EXTL3: variants seen among roughly 807,000 people sequenced by gnomAD.
The protein encoded by EXTL3 is exostosin like glycosyltransferase 3.
EXTL3 carries 27 observed loss-of-function variants against 69.3 expected under a neutral mutation model. The ratio of observed to expected loss-of-function variants is 0.39; its 90% CI spans 0.29 to 0.54. The LOEUF is 0.54. EXTL3 is among the 20% of genes least tolerant of loss of function. EXTL3 has a pLI of 0.69. For missense variants in EXTL3, 1,003 were observed against 1,231.8 expected, an observed-to-expected ratio of 0.81 and a Z score of 2.78; for synonymous variants, 511 against 499.4, an observed-to-expected ratio of 1.02 and a Z score of -0.31.
rs1016353272 is a variant in EXTL3 at position 28,742,328 on chromosome 8, C to T, written c.2422-758C>T. 13 of 152,222 alleles carry T rather than the reference C, an allele frequency of 8.5e-5. No individual in the cohort carries two copies. The East Asian group carries it at 2.1e-3, about 25-fold the overall frequency. The allele number at this position is 152,222 out of a possible 1,614,324, so 9.4% of individuals were successfully genotyped here. On this transcript the variant is annotated intron_variant, in intron 5 of 6. Transcript: ENST00000220562. Reference sequence around the variant, plus strand: ...GACAACATTCTGAAAATGTAGAAAGCGCCATTCATGAGCAGGTGTGAGTGG... The same window carrying T: ...GACAACATTCTGAAAATGTAGAAAGTGCCATTCATGAGCAGGTGTGAGTGG...
At chr8:28,671,310 T>G (rs7017395) in intron 1 of EXTL3, among the ~76,000 whole-genome samples, 1 of 95,960 alleles carries the variant, frequency 1.0e-5, no homozygotes, top group African/African-American at 7.1e-5. Context: ...TTGTTTTTTG[T>G]TTTTTTTTTT....
intron 1 of EXTL3, among the ~76,000 whole-genome samples, chr8:28,710,717 ATT>A (rs113635439): frequency 7.2e-6 from 1 of 139,700 alleles, no homozygotes; most frequent in Non-Finnish European, 1.6e-5. Context: ...GCTAATTTAA[ATT>A]TTTTTTTTTT....
intron 1 of EXTL3, among the ~76,000 whole-genome samples, chr8:28,677,413 A>T (rs1183518134): frequency 2.0e-5 from 3 of 152,172 alleles, no homozygotes; most frequent in African/African-American, 7.2e-5. Context: ...GTAACTTCCG[A>T]GTACAGAGAC....
intron 6 of EXTL3, among the ~76,000 whole-genome samples, chr8:28,744,696 A>C (rs1801848515): frequency 6.6e-6 from 1 of 152,168 alleles, no homozygotes; most frequent in African/African-American, 2.4e-5. Context: ...CAGGAGGCCA[A>C]GGCAGGAGAA....
At chr8:28,738,574 C>T (rs866743152) in intron 5 of EXTL3, among the ~76,000 whole-genome samples, 9 of 152,168 alleles carry the variant, frequency 5.9e-5, no homozygotes, top group South Asian at 2.1e-4. Context: ...GAAGTGTTCC[C>T]GGGCCCTGAG....
At chr8:28,658,616 T>TA (rs1807053510) in intron 1 of EXTL3, among the ~76,000 whole-genome samples, 1 of 152,196 alleles carries the variant, frequency 6.6e-6, no homozygotes, top group African/African-American at 2.4e-5. Flanking sequence ...GAGCTCGCTC[T>TA]GTCGCCCAGG....
At chr8:28,731,401 C>T (rs763303713) in intron 4 of EXTL3, 51 bp downstream of exon 4, 49 of 1,602,436 alleles carry the variant, frequency 3.1e-5, no homozygotes. Flanking sequence ...GACAGAAAAC[C>T]TGGATTAGGC....
At chr8:28,700,849 G>C (rs187157878), upstream of EXTL3, 10 of 152,364 alleles carry the variant, frequency 6.6e-5, no homozygotes, top group African/African-American at 2.4e-4. Flanking sequence ...ACAGTCACGT[G>C]TTCCTTGGGA....
In EXTL3 at chr8:28,755,353, T is replaced by C. The variant is rs575746786; in HGVS notation, c.*4487T>C. 2.0e-5 allele frequency: 3 copies of C among 152,620 alleles called. No individual in the cohort carries two copies. The highest frequency in any genetic ancestry group is 2.0e-4 in the Admixed American group (3 of 15,310). 9.5% of individuals were successfully genotyped at this position (152,620 alleles called of 1,614,324 possible). ...GCCTCTCAAGAACACAGGAGTTCCATAGTTTTCTCATGAATGAATGCTTTG... is the reference window on the plus strand; with the variant it reads ...GCCTCTCAAGAACACAGGAGTTCCACAGTTTTCTCATGAATGAATGCTTTG... On this transcript the variant is annotated 3_prime_UTR_variant, in exon 7 of 7. Coordinates refer to ENST00000220562, the MANE Select transcript of EXTL3 (RefSeq NM_001440.4).
chr8:28,656,823 T>C (rs893406121), intron 1 of EXTL3, among the ~76,000 whole-genome samples: 1 of 152,224 alleles, frequency 6.6e-6, no homozygotes, highest in African/African-American at 2.4e-5. Context: ...GAAAAAAAAT[T>C]GATGAAGACT....
At chr8:28,609,922 A>G (rs1192668244) in intron 2 of EXTL3, among the ~76,000 whole-genome samples, 2 of 149,388 alleles carry the variant, frequency 1.3e-5, no homozygotes, top group African/African-American at 2.5e-5. Context: ...AAAAAAAGCC[A>G]GATGCAGTGG....
chr8:28,618,643 C>T (rs1361085538), upstream of EXTL3, among the ~76,000 whole-genome samples: 1 of 152,096 alleles, frequency 6.6e-6, no homozygotes. Context: ...GGCAAAATCA[C>T]TCCAAAAAGT....
rs1801974816 is a variant in EXTL3 at position 28,750,197 on chromosome 8, T to G, written c.2551-460T>G. ...CACTTTCCCATGGCTTTAAATGTAG[T>G]TAAGCATCTTTTTTATGGACAGTAT... is the stretch of plus-strand genomic sequence containing the variant. On this transcript the variant is annotated intron_variant, in intron 6 of 6. Coordinates refer to ENST00000220562, the MANE Select transcript of EXTL3 (RefSeq NM_001440.4). This position sits in a 1 kb window ranked among gnomAD's most constrained non-coding sequence, Gnocchi z 5.2. Among the ~76,000 whole-genome samples the G allele has an allele frequency of 6.6e-6, 1 of 152,200 alleles. No individual in the cohort carries two copies. The highest frequency in any genetic ancestry group is 2.1e-4 in the South Asian group (1 of 4,824).
At chr8:28,632,554 CTTT>C (rs1172375819) in intron 1 of EXTL3, among the ~76,000 whole-genome samples, 14 of 126,566 alleles carry the variant, frequency 1.1e-4, no homozygotes, top group Admixed American at 8.2e-5. Context: ...CTCATTTATT[CTTT>C]TTTTTTTTTT....
At chr8:28,721,704 G>A (rs1019562831) in intron 3 of EXTL3, among the ~76,000 whole-genome samples, 7 of 152,232 alleles carry the variant, frequency 4.6e-5, no homozygotes, top group African/African-American at 4.8e-5. Flanking sequence ...GAAATGCCAA[G>A]TAATCCCTTC....
chr8:28,726,754 G>T (rs1419450721), intron 3 of EXTL3, among the ~76,000 whole-genome samples: 3 of 151,946 alleles, frequency 2.0e-5, no homozygotes, highest in Non-Finnish European at 4.4e-5. Flanking sequence ...AATTGTTCCT[G>T]GTTGAGAACC....
At chr8:28,703,760 G>A (rs1800861856) in intron 1 of EXTL3, among the ~76,000 whole-genome samples, 1 of 152,178 alleles carries the variant, frequency 6.6e-6, no homozygotes, top group South Asian at 2.1e-4. Context: ...AAACCAGGAC[G>A]TTTCATAACG....
chr8:28,714,571 A>G (rs1214097026), intron 2 of EXTL3, among the ~76,000 whole-genome samples: 1 of 152,214 alleles, frequency 6.6e-6, no homozygotes, highest in Admixed American at 6.5e-5. Flanking sequence ...AGTTATACTT[A>G]GCATGTCTTA....
chr8:28,626,743 A>G (rs1806497125), intron 1 of EXTL3, among the ~76,000 whole-genome samples: 2 of 152,326 alleles, frequency 1.3e-5, no homozygotes, highest in South Asian at 4.1e-4. Context: ...CAGTCTTTTC[A>G]TACAGGGCTC....
Sources: gnomAD v4.1 joint callset for allele counts (sites outside exome capture counted in the v4.1 genomes callset) on GRCh38, gnomAD v4.1.1 for gene constraint, Gnocchi (gnomAD v3.1) non-coding constraint, MANE v1.5 for transcripts, NCBI Gene and HGNC (gene_info 2026-07-23, HGNC 2026-07-21) for gene names.